Variants in CLVS1 observed in about 807,000 individuals in gnomAD.
CLVS1 encodes clavesin-1.
Under a neutral mutation model 33.1 loss-of-function variants are expected in CLVS1, and 10 were observed. The ratio of observed to expected loss-of-function variants is 0.30; its 90% CI spans 0.19 to 0.51. The LOEUF (loss-of-function observed/expected upper bound fraction) is 0.51, where lower values mean the gene tolerates loss of function less well. Among genes scored for constraint, CLVS1 ranks in the 20% least tolerant of loss-of-function variants. The pLI, the probability that CLVS1 is intolerant of heterozygous loss-of-function variation, is 0.97. For synonymous variants in CLVS1, 163 were observed against 166.1 expected, an observed-to-expected ratio of 0.98 and a Z score of 0.14; for missense variants, 343 against 433.4, an observed-to-expected ratio of 0.79 and a Z score of 1.85.
intron 3 of CLVS1, among the ~76,000 whole-genome samples, chr8:61,408,456 T>C (rs527810642): frequency 6.6e-6 from 1 of 152,312 alleles, no homozygotes; most frequent in South Asian, 2.1e-4. Context: ...GCCCCAAGTC[T>C]TTACTACATG....
At chr8:61,416,588 G>A (rs1446067562) in intron 3 of CLVS1, among the ~76,000 whole-genome samples, 1 of 152,146 alleles carries the variant, frequency 6.6e-6, no homozygotes, top group Non-Finnish European at 1.5e-5. Flanking sequence ...GAAGTGCTGA[G>A]AGTTAATGTG....
chr8:61,418,807 G>A (rs1057487160), intron 3 of CLVS1, among the ~76,000 whole-genome samples: 1 of 152,214 alleles, frequency 6.6e-6, no homozygotes, highest in African/African-American at 2.4e-5. Flanking sequence ...GAAGGAATGA[G>A]TGAGAGTTGA....
intron 2 of CLVS1, among the ~76,000 whole-genome samples, chr8:61,367,431 T>C (rs1373055775): frequency 3.9e-5 from 6 of 152,196 alleles, no homozygotes; most frequent in African/African-American, 4.8e-5. Flanking sequence ...CCCTTCTATG[T>C]CTAGTGTCCA....
chr8:61,174,564 C>T (rs755562568), intron 2 of CLVS1, among the ~76,000 whole-genome samples: 25 of 152,206 alleles, frequency 1.6e-4, no homozygotes, highest in Admixed American at 2.0e-4. Flanking sequence ...CTAGAACTCT[C>T]TAGCTAAGTA....
At chr8:61,464,075 C>T (rs907098156) in intron 5 of CLVS1, among the ~76,000 whole-genome samples, 3 of 133,430 alleles carry the variant, frequency 2.2e-5, no homozygotes, top group South Asian at 2.6e-4. Flanking sequence ...GGCAACAAAG[C>T]GAGACTCTGT....
At chr8:61,043,209 C>T in the CLVS1 span, among the ~76,000 whole-genome samples, 10 of 152,206 alleles carry the variant, frequency 6.6e-5, no homozygotes, top group African/African-American at 1.9e-4. Context: ...TAAGAACATA[C>T]TTACCTTGGC....
chr8:61,080,605 T>C (rs1054582870), intron 1 of CLVS1, among the ~76,000 whole-genome samples: 3 of 152,234 alleles, frequency 2.0e-5, no homozygotes, highest in African/African-American at 4.8e-5. Context: ...ACGGATTGCC[T>C]TCTTAAAATA....
intron 2 of CLVS1, among the ~76,000 whole-genome samples, chr8:61,265,978 G>T (rs1809295138): frequency 6.6e-6 from 1 of 152,146 alleles, no homozygotes. Flanking sequence ...ATTCCATCTG[G>T]GTTTATTCCT....
intron 2 of CLVS1, among the ~76,000 whole-genome samples, chr8:61,235,198 A>G (rs1808530322): frequency 6.6e-6 from 1 of 152,236 alleles, no homozygotes; most frequent in African/African-American, 2.4e-5. Context: ...AGGTCAAAAC[A>G]CAAGCATGTG....
intron 2 of CLVS1, among the ~76,000 whole-genome samples, chr8:61,150,278 G>T (rs141222626): frequency 2.0e-5 from 3 of 152,280 alleles, no homozygotes; most frequent in Admixed American, 6.5e-5. Flanking sequence ...TGGTCCAGCA[G>T]GGGAAGGCAC....
chr8:61,388,513 C>A (rs1413330987), intron 3 of CLVS1, among the ~76,000 whole-genome samples: 1 of 151,934 alleles, frequency 6.6e-6, no homozygotes, highest in African/African-American at 2.4e-5. Context: ...CTTTGTGGAA[C>A]TTAATTATAC....
chr8:61,143,889 T>A (rs78174249), intron 2 of CLVS1, among the ~76,000 whole-genome samples: 1,655 of 148,668 alleles, frequency 0.011, 27 homozygotes, highest in African/African-American at 0.038. Flanking sequence ...AAATGAGAAA[T>A]ATGGGATTAA....
Position 61,482,338 on chromosome 8 carries a change from C to T in CLVS1, c.978-17117C>T, listed in dbSNP as rs549385873. Among the ~76,000 whole-genome samples the T allele has an allele frequency of 3.4e-5, 5 of 147,770 alleles. No individual in the cohort carries two copies. The South Asian group carries it at 8.6e-4, about 25-fold the overall frequency. The stretch of plus-strand genomic sequence containing the variant: ...GCTCCTCACCAGCAATGGAACAAAG[C>T]TGGATGGAGAATGACTTTGATGAGT... On this transcript the variant is annotated intron_variant, in intron 5 of 5. Transcript: ENST00000325897.
intron 2 of CLVS1, among the ~76,000 whole-genome samples, chr8:61,343,938 G>T (rs144874313): frequency 1.8e-4 from 27 of 152,270 alleles, no homozygotes; most frequent in African/African-American, 6.0e-4. Flanking sequence ...TCTATTTTCT[G>T]TCTTAAAGGA....
At chr8:61,285,264 T>G (rs1177179843), upstream of CLVS1, among the ~76,000 whole-genome samples, 1 of 152,224 alleles carries the variant, frequency 6.6e-6, no homozygotes. Flanking sequence ...CTTGGGAAAT[T>G]GGCTAGATGT....
chr8:61,445,463 C>T (rs1484554774), intron 3 of CLVS1, among the ~76,000 whole-genome samples: 1 of 152,136 alleles, frequency 6.6e-6, no homozygotes, highest in Non-Finnish European at 1.5e-5. Context: ...CCCTCTCTCT[C>T]TCACTTCCTG....
intron 5 of CLVS1, among the ~76,000 whole-genome samples, chr8:61,476,255 G>A (rs1235861693): frequency 6.6e-6 from 1 of 152,126 alleles, no homozygotes; most frequent in Non-Finnish European, 1.5e-5. Context: ...TGTTCTTTTG[G>A]CTTAGGATTG....
At chr8:61,440,416 A>G (rs909590345) in intron 3 of CLVS1, among the ~76,000 whole-genome samples, 4 of 152,186 alleles carry the variant, frequency 2.6e-5, no homozygotes, top group African/African-American at 9.6e-5. Context: ...ATGTTATTAG[A>G]CTTGTTTATT....
rs139721474 is a variant in CLVS1 at position 61,396,078 on chromosome 8, T to A, written c.630+19299T>A. Among the ~76,000 whole-genome samples the A allele has an allele frequency of 5.7e-3, 870 of 152,284 alleles. 9 individuals carry two copies. The highest frequency in any genetic ancestry group is 0.02 in the African/African-American group (851 of 41,560). Reference sequence around the variant, plus strand: ...AATTTATTCTTTTTATGTACATAATTGGTGATCTTCCTTAATATTTTAAAA... The same window carrying A: ...AATTTATTCTTTTTATGTACATAATAGGTGATCTTCCTTAATATTTTAAAA... On this transcript the variant is annotated intron_variant, in intron 3 of 5. Transcript: ENST00000325897.
Sources: allele counts gnomAD v4.1 joint callset (sites outside exome capture counted in the v4.1 genomes callset), GRCh38; gene constraint gnomAD v4.1.1; transcripts MANE v1.5; gene names NCBI Gene and HGNC (gene_info 2026-07-23, HGNC 2026-07-21).